The following NADSYN1 variants were observed in gnomAD, a reference collection of about 807,000 sequenced individuals.
NADSYN1 encodes glutamine-dependent NAD(+) synthetase.
Under a neutral mutation model 99.3 loss-of-function variants are expected in NADSYN1, and 80 were observed. The ratio of observed to expected loss-of-function variants is 0.81; its 90% CI spans 0.67 to 0.97. The LOEUF is 0.97. Ranked by LOEUF, NADSYN1 falls within the 50% of genes least tolerant of loss-of-function variation. The probability of loss-of-function intolerance (pLI) is 0.00; values close to 1 mark genes in which losing one functional copy is unlikely to be tolerated. For synonymous variants in NADSYN1, 385 were observed against 372.1 expected (o/e 1.03, Z -0.40); for missense variants, 859 against 948.5 (o/e 0.91, Z 1.24).
chr11:71,481,267 G>A (rs57500217), intron 11 of NADSYN1, 89 bp from the exon 12 acceptor site: 87,367 of 1,374,956 alleles, frequency 0.064, 3,551 homozygotes, highest in African/African-American at 0.14. Context: ...CTCTGGCACT[G>A]CAGCCTCCTG....
At chr11:71,488,295 G>A (rs917653227) in intron 16 of NADSYN1, among the ~76,000 whole-genome samples, 10 of 151,402 alleles carry the variant, frequency 6.6e-5, no homozygotes, top group East Asian at 2.0e-4. Flanking sequence ...AACGTCCGCC[G>A]AGAGAGCTCA....
intron 2 of NADSYN1, among the ~76,000 whole-genome samples, chr11:71,456,436 C>T (rs1159872404): frequency 1.3e-5 from 2 of 152,202 alleles, no homozygotes; most frequent in Non-Finnish European, 2.9e-5. Flanking sequence ...GGATCTTCTC[C>T]TGGGCTGGAC....
intron 5 of NADSYN1, among the ~76,000 whole-genome samples, chr11:71,469,467 C>A (rs1267394509): frequency 6.6e-6 from 1 of 152,188 alleles, no homozygotes; most frequent in Admixed American, 6.5e-5. Flanking sequence ...GGGCTGACAA[C>A]CTTCAGAGCT....
intron 3 of NADSYN1, among the ~76,000 whole-genome samples, chr11:71,459,230 C>T (rs991966130): frequency 5.5e-5 from 8 of 144,740 alleles, no homozygotes; most frequent in South Asian, 4.5e-4. Context: ...CCTGCATAGC[C>T]GCCCCTATGG....
At chr11:71,455,761 C>A (rs527294291) in intron 2 of NADSYN1, among the ~76,000 whole-genome samples, 1 of 152,308 alleles carries the variant, frequency 6.6e-6, no homozygotes, top group South Asian at 2.1e-4. Context: ...TATTAATTAC[C>A]CAGTCCAAGG....
At position 71,455,321 on chromosome 11, in the gene NADSYN1, C is replaced by T. The variant is rs570618700; in HGVS notation, c.146+151C>T. On this transcript the variant is annotated intron_variant, in intron 2 of 20. Transcript: ENST00000319023. Reference sequence around the variant, plus strand: ...TGGGCCTGGTTAATGCCATTGAACACCTGAGCAAGGGCAGGCCCAGGGAGG... The same window carrying T: ...TGGGCCTGGTTAATGCCATTGAACATCTGAGCAAGGGCAGGCCCAGGGAGG... 99 of 621,836 alleles carry T rather than the reference C, an allele frequency of 1.6e-4. No individual in the cohort carries two copies. The South Asian group carries it at 1.9e-3, about 12-fold the overall frequency. The allele number at this position is 621,836 out of a possible 1,614,324, so 38.5% of individuals were successfully genotyped here. A position where few individuals can be genotyped will look rare whatever the true frequency, so the allele number is the denominator to read the frequency against.
Position 71,463,494 on chromosome 11 carries a change from C to T in NADSYN1, c.317+9C>T, listed in dbSNP as rs1342233019. On this transcript the variant is annotated intron_variant, in intron 4 of 20. Transcript: ENST00000319023. ...GTGATATTCCTCAACAGGTAGGCCCCCTGCCCCCACCCCGGGAGGGTGACT... is the reference window on the plus strand; with the variant it reads ...GTGATATTCCTCAACAGGTAGGCCCTCTGCCCCCACCCCGGGAGGGTGACT... 47 of 1,613,110 alleles carry T rather than the reference C, an allele frequency of 2.9e-5. No homozygotes were observed. Among genetic ancestry groups the T allele is most frequent in the Non-Finnish European group, 4.0e-5 (47 of 1,179,320 alleles).
intron 5 of NADSYN1, among the ~76,000 whole-genome samples, chr11:71,466,404 C>G (rs959100992): frequency 6.6e-6 from 1 of 152,196 alleles, no homozygotes; most frequent in Non-Finnish European, 1.5e-5. Flanking sequence ...GTCTGGTGCA[C>G]TCTGGTTCCC....
At chr11:71,478,085 CAG>C (rs1491513595) in intron 9 of NADSYN1, among the ~76,000 whole-genome samples, 7 of 151,748 alleles carry the variant, frequency 4.6e-5, no homozygotes, top group South Asian at 2.1e-4. Context: ...GTCTTACTGA[CAG>C]GGGTGTCTTA....
In NADSYN1 at chr11:71,458,648, G is replaced by T. The variant is rs118134329; in HGVS notation, c.263+104G>T. ...CATCCAGGGTGTGGAACATCCATGT[G>T]TCCAGGGATACGAAAGGCCTTATGC... is the stretch of plus-strand genomic sequence containing the variant. On this transcript the variant is annotated intron_variant, in intron 3 of 20. Transcript: ENST00000319023. 3.8e-3 allele frequency: 3,083 copies of T among 811,980 alleles called. 21 individuals are homozygous for T. Among genetic ancestry groups the T allele is most frequent in the Non-Finnish European group, 5.2e-3 (2,444 of 472,792 alleles). The allele number at this position is 811,980 out of a possible 1,614,324, so 50.3% of individuals were successfully genotyped here. A position where few individuals can be genotyped will look rare whatever the true frequency, so the allele number is the denominator to read the frequency against.
At chr11:71,486,722 A>G (rs1216496990) in intron 16 of NADSYN1, among the ~76,000 whole-genome samples, 2 of 146,956 alleles carry the variant, frequency 1.4e-5, no homozygotes, top group Non-Finnish European at 3.0e-5. Context: ...CCCTTTGTCC[A>G]TCCATCGACC....
chr11:71,472,618 C>G, intron 6 of NADSYN1, 118 bp downstream of exon 6: 1 of 924,284 alleles, frequency 1.1e-6, no homozygotes, highest in Non-Finnish European at 1.8e-6. Flanking sequence ...CCACAGTGCT[C>G]ACAGGTCTGA....
chr11:71,466,839 C>G (rs1949594536), intron 5 of NADSYN1: 1 of 152,196 alleles, frequency 6.6e-6, no homozygotes, highest in Non-Finnish European at 1.5e-5. Flanking sequence ...CAGGAAAGTA[C>G]AGAATACATT....
chr11:71,491,824 T>C lies in NADSYN1; in HGVS notation c.1695-10T>C. On this transcript the variant is annotated splice_polypyrimidine_tract_variant and intron_variant, in intron 17 of 20. Transcript: ENST00000319023. Reference sequence around the variant, plus strand: ...CTGCACTGACCGACCTCTGTGTGTTTTGGCTGCAGCATCCTGTTGGCGCCG... The same window carrying C: ...CTGCACTGACCGACCTCTGTGTGTTCTGGCTGCAGCATCCTGTTGGCGCCG... The C allele has an allele frequency of 1.9e-6, 3 of 1,613,832 alleles. No individual in the cohort carries two copies. Among genetic ancestry groups the C allele is most frequent in the East Asian group, 2.2e-5 (1 of 44,880 alleles).
intron 5 of NADSYN1, among the ~76,000 whole-genome samples, chr11:71,467,647 ACCTCTCCCTG>A (rs2120426053): frequency 6.6e-6 from 1 of 152,284 alleles, no homozygotes; most frequent in Admixed American, 6.5e-5. Flanking sequence ...TGAAAGATAG[ACCTCTCCCTG>A]CAATTATCCA....
chr11:71,481,120 T>G, intron 11 of NADSYN1: 1 of 646,796 alleles, frequency 1.5e-6, no homozygotes, highest in Non-Finnish European at 2.7e-6. Flanking sequence ...TGTCCGTCCA[T>G]TCTGTGGTTC....
intron 5 of NADSYN1, among the ~76,000 whole-genome samples, chr11:71,466,290 T>G (rs1265374099): frequency 6.6e-6 from 1 of 152,192 alleles, no homozygotes; most frequent in Non-Finnish European, 1.5e-5. Context: ...CTCAGCCACT[T>G]GGACTTTCAC....
chr11:71,454,984 A>C, intron 1 of NADSYN1, 126 bp from the exon 2 acceptor site: 1 of 690,042 alleles, frequency 1.4e-6, no homozygotes, highest in Non-Finnish European at 2.5e-6. Flanking sequence ...CTGGGAAGGC[A>C]CAGAGCATTT....
chr11:71,474,872 A>G, intron 9 of NADSYN1: 1 of 362,322 alleles, frequency 2.8e-6, no homozygotes, highest in Non-Finnish European at 5.4e-6. Context: ...CTGAACCCCG[A>G]CACACAGCAC....
Sources: gnomAD v4.1 joint callset for allele counts (sites outside exome capture counted in the v4.1 genomes callset) on GRCh38, gnomAD v4.1.1 for gene constraint, MANE v1.5 for transcripts, NCBI Gene and HGNC (gene_info 2026-07-23, HGNC 2026-07-21) for gene names.